The following LUZP2 variants were observed in gnomAD, a reference collection of about 807,000 sequenced individuals.
LUZP2 encodes the protein leucine zipper protein 2.
LUZP2 carries 52 observed loss-of-function variants against 51.6 expected under a neutral mutation model. The ratio of observed to expected loss-of-function variants is 1.01; its 90% CI spans 0.81 to 1.27. LUZP2 has a LOEUF of 1.27. Ranked by LOEUF, LUZP2 falls within the 50% of genes most tolerant of loss-of-function variation. LUZP2 has a pLI of 0.00. For missense variants in LUZP2, 436 were observed against 395.4 expected (o/e 1.10, Z -0.87); for synonymous variants, 154 against 137.3 (o/e 1.12, Z -0.85).
chr11:24,681,969 T>G (rs10834430), intron 1 of LUZP2, among the ~76,000 whole-genome samples: 28,173 of 152,232 alleles, frequency 0.19, 2,701 homozygotes, highest in East Asian at 0.33. Context: ...TGGGTTTTCT[T>G]TAGCCAGAAA....
intron 5 of LUZP2, among the ~76,000 whole-genome samples, chr11:24,871,701 C>T (rs1162198860): frequency 6.6e-6 from 1 of 151,898 alleles, no homozygotes; most frequent in Non-Finnish European, 1.5e-5. Flanking sequence ...ATGAATCTTT[C>T]ATAGAGCCAG....
intron 1 of LUZP2, among the ~76,000 whole-genome samples, chr11:24,664,868 G>A (rs147578569): frequency 1.2e-4 from 19 of 152,292 alleles, no homozygotes; most frequent in African/African-American, 4.3e-4. Flanking sequence ...GAGCCCTCAA[G>A]GAGAACCTCT....
chr11:24,871,575 G>A (rs1431973743), intron 5 of LUZP2, among the ~76,000 whole-genome samples: 3 of 151,934 alleles, frequency 2.0e-5, no homozygotes, highest in African/African-American at 7.2e-5. Context: ...GCAACTTCTG[G>A]TCTACCTCTG....
intron 5 of LUZP2, among the ~76,000 whole-genome samples, chr11:24,790,356 T>C (rs560895220): frequency 1.5e-4 from 23 of 152,224 alleles, no homozygotes; most frequent in Non-Finnish European, 3.1e-4. Context: ...GTTTTCATGT[T>C]AAATTATTAG....
intron 1 of LUZP2, among the ~76,000 whole-genome samples, chr11:24,572,692 C>T (rs1876823): frequency 6.6e-6 from 1 of 151,804 alleles, no homozygotes; most frequent in Non-Finnish European, 1.5e-5. Context: ...CTCTCTGCAT[C>T]AGGGATTTTG....
intron 9 of LUZP2, 40 bp from the exon 10 acceptor site, chr11:25,049,998 A>T: frequency 1.7e-6 from 2 of 1,175,964 alleles, no homozygotes; most frequent in Non-Finnish European, 2.4e-6. Flanking sequence ...TCTTGTATTT[A>T]GTGATTTCTT....
chr11:24,506,758 C>A (rs548705425), intron 1 of LUZP2, among the ~76,000 whole-genome samples: 53 of 152,090 alleles, frequency 3.5e-4, no homozygotes, highest in African/African-American at 1.3e-3. Context: ...TCACTAGGGA[C>A]CCCTAAGTTT....
chr11:24,784,870 G>A (rs1013449929), intron 5 of LUZP2, among the ~76,000 whole-genome samples: 1 of 152,016 alleles, frequency 6.6e-6, no homozygotes, highest in Non-Finnish European at 1.5e-5. Context: ...ATACATTTAT[G>A]CATATATTTT....
rs971935349 is a variant in LUZP2 at position 24,558,110 on chromosome 11, A to G, written c.62+60805A>G. On this transcript the variant is annotated intron_variant, in intron 1 of 11. Transcript: ENST00000336930. Reference sequence around the variant, plus strand: ...GAATTCTTGCTCTCTCTTCTGGAACAGGACCATCCTTCTCCTGCTCTTGGA... The same window carrying G: ...GAATTCTTGCTCTCTCTTCTGGAACGGGACCATCCTTCTCCTGCTCTTGGA... 1.1e-3 allele frequency among the ~76,000 whole-genome samples: 163 copies of G among 152,266 alleles called. 2 individuals carry two copies. The highest frequency in any genetic ancestry group is 4.3e-4 in the Non-Finnish European group (29 of 68,014).
chr11:24,714,280 C>A (rs2029191), intron 1 of LUZP2, among the ~76,000 whole-genome samples: 1 of 151,786 alleles, frequency 6.6e-6, no homozygotes, highest in South Asian at 2.1e-4. Context: ...TGCATGTTCT[C>A]TATCCCAGAT....
At chr11:24,809,823 T>C (rs1392219473) in intron 5 of LUZP2, among the ~76,000 whole-genome samples, 1 of 152,170 alleles carries the variant, frequency 6.6e-6, no homozygotes, top group African/African-American at 2.4e-5. Flanking sequence ...GAGACCACTA[T>C]ATAAATGAAT....
intron 1 of LUZP2, among the ~76,000 whole-genome samples, chr11:24,643,119 G>A (rs1056481870): frequency 3.3e-5 from 5 of 151,738 alleles, no homozygotes; most frequent in African/African-American, 1.2e-4. Context: ...AGATTAAGAC[G>A]AGATTAAGGC....
intron 5 of LUZP2, among the ~76,000 whole-genome samples, chr11:24,783,521 A>C (rs1590518568): frequency 6.6e-6 from 1 of 151,998 alleles, no homozygotes; most frequent in East Asian, 1.9e-4. Context: ...CTTCCAAGTA[A>C]GGTTCTAACA....
intron 10 of LUZP2, among the ~76,000 whole-genome samples, chr11:25,075,350 G>A (rs1259899322): frequency 6.6e-6 from 1 of 152,164 alleles, no homozygotes; most frequent in East Asian, 1.9e-4. Context: ...AGAACCAATT[G>A]TGTATAAAAT....
At chr11:25,002,064 A>G (rs1476624668) in intron 9 of LUZP2, among the ~76,000 whole-genome samples, 1 of 152,224 alleles carries the variant, frequency 6.6e-6, no homozygotes, top group African/African-American at 2.4e-5. Context: ...CTTTCTTTCC[A>G]TATTGCAGCA....
chr11:24,607,584 T>C (rs1853970986), intron 1 of LUZP2, among the ~76,000 whole-genome samples: 1 of 152,012 alleles, frequency 6.6e-6, no homozygotes, highest in Non-Finnish European at 1.5e-5. Flanking sequence ...TATAGTGCCT[T>C]CGACTGTTAT....
intron 7 of LUZP2, among the ~76,000 whole-genome samples, chr11:24,917,126 T>G (rs1241927248): frequency 6.6e-6 from 1 of 152,218 alleles, no homozygotes; most frequent in Non-Finnish European, 1.5e-5. Context: ...GCTGTGTAAG[T>G]GACTTCTTTT....
intron 9 of LUZP2, among the ~76,000 whole-genome samples, chr11:25,025,676 C>G (rs1857469238): frequency 6.6e-6 from 1 of 152,116 alleles, no homozygotes; most frequent in African/African-American, 2.4e-5. Context: ...GAACTAGGAA[C>G]ACTTTTACAC....
intron 1 of LUZP2, among the ~76,000 whole-genome samples, chr11:24,503,040 A>G (rs1850048640): frequency 6.6e-6 from 1 of 152,120 alleles, no homozygotes. Context: ...TTTTTTTACT[A>G]CGGAGAACAA....
Sources: gnomAD v4.1 joint callset for allele counts (sites outside exome capture counted in the v4.1 genomes callset) on GRCh38, gnomAD v4.1.1 for gene constraint, MANE v1.5 for transcripts, NCBI Gene and HGNC (gene_info 2026-07-23, HGNC 2026-07-21) for gene names.